Variants in TRPC5 observed in about 807,000 individuals in gnomAD.
The protein encoded by TRPC5 is short transient receptor potential channel 5.
A neutral mutation model predicts 56.5 loss-of-function variants in TRPC5; 9 were observed. The ratio of observed to expected loss-of-function variants is 0.16; its 90% CI spans 0.10 to 0.28. The LOEUF (loss-of-function observed/expected upper bound fraction) is 0.28. Ranked by LOEUF, TRPC5 falls within the 10% of genes least tolerant of loss-of-function variation. TRPC5 has a pLI of 1.00. For synonymous variants in TRPC5, 282 were observed against 278.5 expected, an observed-to-expected ratio of 1.01 and a Z score of -0.13; for missense variants, 469 against 748.9, an observed-to-expected ratio of 0.63 and a Z score of 4.36.
chrX:112,080,008 T>A (rs1930923756), intron 1 of TRPC5, among the ~76,000 whole-genome samples: 1 of 111,902 alleles, frequency 8.9e-6, no homozygotes, highest in Non-Finnish European at 1.9e-5. Context: ...CTTTCCTACC[T>A]GTCTGCAACC....
At chrX:111,967,487 G>T (rs1469724859) in intron 1 of TRPC5, among the ~76,000 whole-genome samples, 1 of 111,650 alleles carries the variant, frequency 9.0e-6, no homozygotes, top group African/African-American at 3.3e-5. Flanking sequence ...CTACTTTAAA[G>T]TTCATAGCGA....
At chrX:111,867,709 G>A (rs771099040) in intron 3 of TRPC5, among the ~76,000 whole-genome samples, 5 of 111,554 alleles carry the variant, frequency 4.5e-5, no homozygotes, top group Non-Finnish European at 9.4e-5. Context: ...TCTTCATTCC[G>A]TCCCTGCTAA....
intron 4 of TRPC5, 84 bp from the exon 5 acceptor site, chrX:111,852,521 G>A (rs908842581): frequency 4.9e-6 from 5 of 1,010,500 alleles, no homozygotes; most frequent in Non-Finnish European, 6.6e-6. Context: ...AGGTGAATAA[G>A]GATGAAATTA....
chrX:111,809,177 T>G (rs1444267009), intron 7 of TRPC5, among the ~76,000 whole-genome samples: 2 of 111,089 alleles, frequency 1.8e-5, no homozygotes, highest in African/African-American at 6.5e-5. Flanking sequence ...CTAGGTCACA[T>G]GTACCCCAAG....
chrX:111,994,005 A>G lies in TRPC5; in HGVS notation c.-21-41564T>C, dbSNP rs756668020. 7.4e-3 allele frequency among the ~76,000 whole-genome samples: 831 copies of G among 111,959 alleles called. 7 individuals carry two copies. The highest frequency in any genetic ancestry group is 0.018 in the Middle Eastern group (4 of 218). ...GCCTATGTCCTGAATGGTATTGCCT[A>G]GGTTTTCTTCTAGGGTTTTTATGGT... On this transcript the variant is annotated intron_variant, in intron 1 of 10. Coordinates refer to ENST00000262839, the MANE Select transcript of TRPC5 (RefSeq NM_012471.3).
chrX:111,982,371 A>C (rs1928105704), intron 1 of TRPC5, among the ~76,000 whole-genome samples: 1 of 111,687 alleles, frequency 9.0e-6, no homozygotes, highest in Non-Finnish European at 1.9e-5. Context: ...TTGCCTTCAC[A>C]AGCATCTCAG....
intron 1 of TRPC5, among the ~76,000 whole-genome samples, chrX:111,960,075 T>A (rs1249168609): frequency 8.9e-6 from 1 of 112,164 alleles, no homozygotes; most frequent in East Asian, 2.8e-4. Context: ...TCATCCACAT[T>A]TTAAGCACTC....
At chrX:111,956,843 A>C (rs1927248951) in intron 1 of TRPC5, among the ~76,000 whole-genome samples, 1 of 111,729 alleles carries the variant, frequency 9.0e-6, no homozygotes, top group Non-Finnish European at 1.9e-5. Context: ...GCACCTCCAC[A>C]GATGGAAAAC....
At chrX:111,965,741 A>G (rs1927545021) in intron 1 of TRPC5, among the ~76,000 whole-genome samples, 1 of 112,149 alleles carries the variant, frequency 8.9e-6, no homozygotes, top group Non-Finnish European at 1.9e-5. Context: ...ACATAACGAA[A>G]TGAAGGCAGA....
chrX:111,937,903 G>A (rs1207281450), intron 2 of TRPC5, among the ~76,000 whole-genome samples: 3 of 104,626 alleles, frequency 2.9e-5, no homozygotes. Flanking sequence ...GTAGCTTGAT[G>A]GGGATGGCAT....
chrX:111,805,109 A>G (rs1053845791), intron 7 of TRPC5, among the ~76,000 whole-genome samples: 2 of 111,947 alleles, frequency 1.8e-5, no homozygotes, highest in African/African-American at 6.5e-5. Context: ...TGAGGTAATC[A>G]TGCGATTTTT....
intron 1 of TRPC5, among the ~76,000 whole-genome samples, chrX:111,963,610 C>A (rs1337744893): frequency 3.6e-5 from 4 of 111,487 alleles, no homozygotes; most frequent in Non-Finnish European, 7.5e-5. Context: ...CGGCCGGGTA[C>A]TCTTCTGAGA....
At chrX:111,982,172 T>C (rs753999841) in intron 1 of TRPC5, among the ~76,000 whole-genome samples, 163 of 112,267 alleles carry the variant, frequency 1.5e-3, no homozygotes, top group Non-Finnish European at 2.6e-3. Flanking sequence ...CAATTAAACC[T>C]CTTTTAGTCA....
chrX:112,023,146 G>A (rs1405031882), intron 1 of TRPC5, among the ~76,000 whole-genome samples: 1 of 108,221 alleles, frequency 9.2e-6, no homozygotes, highest in African/African-American at 3.4e-5. Context: ...GTGTTAGCCA[G>A]GATGGACTCG....
intron 7 of TRPC5, among the ~76,000 whole-genome samples, chrX:111,782,814 C>CAT (rs141907764): frequency 3.7e-5 from 4 of 107,601 alleles, no homozygotes; most frequent in Non-Finnish European, 7.7e-5. Context: ...TCAACACACA[C>CAT]ACACACACAC....
intron 3 of TRPC5, among the ~76,000 whole-genome samples, chrX:111,892,027 C>G: frequency 8.9e-6 from 1 of 111,793 alleles, no homozygotes; most frequent in East Asian, 2.8e-4. Flanking sequence ...CATTTGCAGG[C>G]AGAGGGAAGC....
chrX:112,080,953 G>C (rs781579119), intron 1 of TRPC5, among the ~76,000 whole-genome samples: 1 of 112,317 alleles, frequency 8.9e-6, no homozygotes, highest in South Asian at 3.7e-4. Flanking sequence ...TCTCTAAAAA[G>C]AGCATTATCA....
intron 9 of TRPC5, among the ~76,000 whole-genome samples, chrX:111,779,294 T>G (rs1171832816): frequency 8.9e-6 from 1 of 111,939 alleles, no homozygotes; most frequent in African/African-American, 3.2e-5. Flanking sequence ...AAAGGAAAAT[T>G]TTTTACCCAA....
At chrX:111,860,047 T>TA (rs1263097568) in intron 3 of TRPC5, among the ~76,000 whole-genome samples, 1 of 112,610 alleles carries the variant, frequency 8.9e-6, no homozygotes, top group East Asian at 2.8e-4. Context: ...TAGCTGGGGC[T>TA]ACAGGCGCCC....
Sources: allele counts gnomAD v4.1 joint callset (sites outside exome capture counted in the v4.1 genomes callset), GRCh38; gene constraint gnomAD v4.1.1; transcripts MANE v1.5; gene names NCBI Gene and HGNC (gene_info 2026-07-23, HGNC 2026-07-21).